PRKD2: variants seen among roughly 807,000 people sequenced by gnomAD.
PRKD2 encodes the protein serine/threonine-protein kinase D2.
PRKD2 carries 22 observed loss-of-function variants against 86.0 expected under a neutral mutation model. The ratio of observed to expected loss-of-function variants is 0.26; its 90% CI spans 0.18 to 0.37. The LOEUF (loss-of-function observed/expected upper bound fraction) is 0.37, where lower values mean the gene tolerates loss of function less well. PRKD2 is among the 10% of genes least tolerant of loss of function. PRKD2 has a pLI of 1.00. For synonymous variants in PRKD2, 509 were observed against 510.9 expected, an observed-to-expected ratio of 1.00 and a Z score of 0.05; for missense variants, 818 against 1,199.2, an observed-to-expected ratio of 0.68 and a Z score of 4.70.
chr19:46,703,353 G>A (rs1277534331), intron 5 of PRKD2, among the ~76,000 whole-genome samples: 4 of 152,130 alleles, frequency 2.6e-5, no homozygotes, highest in Non-Finnish European at 2.9e-5. Flanking sequence ...TCAGCTGGGC[G>A]CGGTGGCTCA....
chr19:46,716,015 ACC>A lies in PRKD2; in HGVS notation c.240+114_240+115del, dbSNP rs2053876827. ...GGGCAATGCCCCCTATCCCTCCATC[ACC>A]CAAAGCTCAGGTCTCCTTCCTCCCT... On this transcript the variant is annotated intron_variant, in intron 1 of 17. Coordinates refer to ENST00000291281, the MANE Select transcript of PRKD2 (RefSeq NM_016457.5). This position sits in a 1 kb window ranked among gnomAD's most constrained non-coding sequence, Gnocchi z 7.9. 4.9e-6 allele frequency: 7 copies of A among 1,434,778 alleles called. No individual in the cohort carries two copies. The highest frequency in any genetic ancestry group is 2.2e-4 in the Middle Eastern group (1 of 4,450). 88.9% of individuals were successfully genotyped at this position (1,434,778 alleles called of 1,614,324 possible).
intron 2 of PRKD2, 81 bp from the exon 3 acceptor site, chr19:46,711,119 C>T (rs1336566775): frequency 3.4e-6 from 5 of 1,481,916 alleles, no homozygotes; most frequent in Non-Finnish European, 4.6e-6. Context: ...TGATTTCTCA[C>T]AGTGCTCCCA....
chr19:46,714,425 G>T, intron 1 of PRKD2: 1 of 541,860 alleles, frequency 1.8e-6, no homozygotes, highest in Non-Finnish European at 2.3e-6. Context: ...TCCAGGCCCA[G>T]CACTGGGGTG....
intron 9 of PRKD2, among the ~76,000 whole-genome samples, chr19:46,696,877 C>G (rs2053566418): frequency 6.6e-6 from 1 of 152,156 alleles, no homozygotes; most frequent in African/African-American, 2.4e-5. Flanking sequence ...AATTCTCGCA[C>G]CAGCCCTGAG....
rs2053889536 is a variant in PRKD2 at position 46,717,027 on chromosome 19, G to C, written c.-657C>G. The C allele has an allele frequency of 6.5e-6, 1 of 153,580 alleles. No individual in the cohort carries two copies. The allele number at this position is 153,580 out of a possible 1,614,324, so 9.5% of individuals were successfully genotyped here. A position where few individuals can be genotyped will look rare whatever the true frequency, so the allele number is the denominator to read the frequency against. ...GTTGCCGGAGCGGGGTTGGGTGGGG[G>C]GCAGGGAGGGTCGCCAGGCGCCAGT... On this transcript the variant is annotated 5_prime_UTR_variant, in exon 1 of 18. Coordinates refer to ENST00000291281, the MANE Select transcript of PRKD2 (RefSeq NM_016457.5).
intron 9 of PRKD2, among the ~76,000 whole-genome samples, chr19:46,696,114 C>G (rs1185681196): frequency 6.6e-6 from 1 of 152,176 alleles, no homozygotes; most frequent in Non-Finnish European, 1.5e-5. Context: ...GCTGGGATTA[C>G]AGGCGTGAGC....
At chr19:46,704,753 C>T in intron 3 of PRKD2, 104 bp from the exon 4 acceptor site, 1 of 1,406,610 alleles carries the variant, frequency 7.1e-7, no homozygotes, top group Non-Finnish European at 9.5e-7. Flanking sequence ...GGTCCTGTCC[C>T]ATCACCCCCC....
Position 46,717,020 on chromosome 19 carries a change from G to T in PRKD2, c.-650C>A. 1 of 153,346 alleles carries T rather than the reference G, an allele frequency of 6.5e-6. No homozygotes were observed. The highest frequency in any genetic ancestry group is 1.8e-4 in the South Asian group (1 of 5,582). The allele number at this position is 153,346 out of a possible 1,614,324, so 9.5% of individuals were successfully genotyped here. A position where few individuals can be genotyped will look rare whatever the true frequency, so the allele number is the denominator to read the frequency against. The stretch of plus-strand genomic sequence containing the variant: ...AGGGGGCGTTGCCGGAGCGGGGTTG[G>T]GTGGGGGGCAGGGAGGGTCGCCAGG... On this transcript the variant is annotated 5_prime_UTR_variant, in exon 1 of 18. Transcript: ENST00000291281.
chr19:46,711,738 A>T (rs1366065587), intron 2 of PRKD2, among the ~76,000 whole-genome samples: 2 of 152,162 alleles, frequency 1.3e-5, no homozygotes, highest in African/African-American at 2.4e-5. Context: ...AAATTAAAAA[A>T]TTTTTAATTA....
intron 2 of PRKD2, among the ~76,000 whole-genome samples, chr19:46,711,688 C>G (rs1421327274): frequency 6.6e-6 from 1 of 152,038 alleles, no homozygotes; most frequent in African/African-American, 2.4e-5. Flanking sequence ...CCACTGCACC[C>G]GGCCTAAAAT....
chr19:46,704,798 C>A, intron 3 of PRKD2, 149 bp from the exon 4 acceptor site: 2 of 1,075,732 alleles, frequency 1.9e-6, no homozygotes, highest in Non-Finnish European at 2.6e-6. Context: ...CACTACTATC[C>A]GTAAGTGTAT....
At chr19:46,679,051 A>C (rs2053256622) in intron 15 of PRKD2, among the ~76,000 whole-genome samples, 1 of 152,126 alleles carries the variant, frequency 6.6e-6, no homozygotes, top group African/African-American at 2.4e-5. Context: ...ATAGCCTCAA[A>C]ATATACATGA....
chr19:46,699,040 T>C (rs1485826894), intron 7 of PRKD2, among the ~76,000 whole-genome samples: 3 of 152,126 alleles, frequency 2.0e-5, no homozygotes, highest in African/African-American at 4.8e-5. Flanking sequence ...GGAAACACTC[T>C]GTCGTCACTG....
rs1415663525 is a variant in PRKD2, at chr19:46,704,380, G to A, written c.678C>T (p.Thr226=). The A allele has an allele frequency of 1.2e-6, 2 of 1,614,036 alleles. No individual in the cohort carries two copies. The highest frequency in any genetic ancestry group is 3.3e-5 in the Admixed American group (2 of 60,028). Residue 226 remains threonine (T), a synonymous_variant, in exon 5 of 18, where the codon ACC becomes ACT. Coordinates refer to ENST00000291281, the MANE Select transcript of PRKD2 (RefSeq NM_016457.5). ...PCTAEELSRS[T]TELLPRRPPS... ...GGGGACGGCGAGGCAGGAGTTCGGT[G>A]GTGCTACGGCTCTGTCGTTGGCAAG...
intron 2 of PRKD2, among the ~76,000 whole-genome samples, chr19:46,711,896 C>G (rs694273): frequency 6.6e-6 from 1 of 150,752 alleles, no homozygotes; most frequent in East Asian, 2.0e-4. Flanking sequence ...GATGAAACCC[C>G]GTCTCTACTA....
intron 7 of PRKD2, among the ~76,000 whole-genome samples, chr19:46,698,872 C>T (rs2053597399): frequency 6.6e-6 from 1 of 152,132 alleles, no homozygotes; most frequent in Admixed American, 6.5e-5. Context: ...TCAGTTTCCC[C>T]ATCTGTGAAA....
At chr19:46,704,472 C>T (rs1454715550) in intron 4 of PRKD2, 23 bp downstream of exon 4, 2 of 1,614,078 alleles carry the variant, frequency 1.2e-6, no homozygotes, top group South Asian at 1.1e-5. Flanking sequence ...GCCACCAACC[C>T]GTCCCATCCC....
Position 46,678,134 on chromosome 19 carries a change from C to A in PRKD2, c.2338+262G>T, listed in dbSNP as rs190846547. On this transcript the variant is annotated intron_variant, in intron 16 of 17. Transcript: ENST00000291281. The surrounding 1 kb of genome is among the most constrained non-coding windows in gnomAD (Gnocchi z 5.7). ...GACAAGCCAAGTCTCACTCAGCCCCCCTAAGGTTCCAAGTGTCCTCAGCGC... is the reference window on the plus strand; with the variant it reads ...GACAAGCCAAGTCTCACTCAGCCCCACTAAGGTTCCAAGTGTCCTCAGCGC... Among the ~76,000 whole-genome samples, 647 of 152,290 alleles carry A rather than the reference C, an allele frequency of 4.2e-3. 6 individuals carry two copies. Among genetic ancestry groups the A allele is most frequent in the Admixed American group, 5.4e-3 (83 of 15,286 alleles).
intron 7 of PRKD2, 62 bp from the exon 8 acceptor site, chr19:46,697,912 T>C (rs932050990): frequency 4.6e-6 from 6 of 1,313,670 alleles, no homozygotes; most frequent in African/African-American, 1.5e-5. Context: ...TGCTTGGGAA[T>C]GCAGGGGGCA....
Sources: gnomAD v4.1 joint callset for allele counts (sites outside exome capture counted in the v4.1 genomes callset) on GRCh38, gnomAD v4.1.1 for gene constraint, Gnocchi (gnomAD v3.1) non-coding constraint, MANE v1.5 for transcripts, NCBI Gene and HGNC (gene_info 2026-07-23, HGNC 2026-07-21) for gene names.